Variants in RBPJ observed in about 807,000 individuals in gnomAD.
RBPJ encodes the protein recombination signal binding protein for immunoglobulin kappa J region, also known as recombining binding protein suppressor of hairless.
In RBPJ, 9 loss-of-function variants were observed where a neutral mutation model predicts 67.8. The ratio of observed to expected loss-of-function variants is 0.13; its 90% CI spans 0.08 to 0.23. The LOEUF (loss-of-function observed/expected upper bound fraction) is 0.23, where lower values mean the gene tolerates loss of function less well. Ranked by LOEUF, RBPJ falls within the 10% of genes least tolerant of loss-of-function variation. The pLI is 1.00. For synonymous variants in RBPJ, 198 were observed against 203.3 expected (o/e 0.97, Z 0.22); for missense variants, 305 against 595.6 (o/e 0.51, Z 5.08).
intron 1 of RBPJ, among the ~76,000 whole-genome samples, chr4:26,260,510 T>TA (rs140662552): frequency 0.093 from 14,070 of 151,120 alleles, 2,050 homozygotes; most frequent in African/African-American, 0.31. Flanking sequence ...ACTGAGAATA[T>TA]AAAAAAAAAG....
chr4:26,176,660 C>T (rs1716804161), intron 1 of RBPJ, among the ~76,000 whole-genome samples: 1 of 152,244 alleles, frequency 6.6e-6, no homozygotes, highest in East Asian at 1.9e-4. Flanking sequence ...GCAGGCACTT[C>T]CCCACGTATA....
At chr4:26,262,664 C>T (rs951236354) in intron 1 of RBPJ, among the ~76,000 whole-genome samples, 1 of 152,130 alleles carries the variant, frequency 6.6e-6, no homozygotes, top group East Asian at 1.9e-4. Flanking sequence ...AGTATTTGCT[C>T]TATTTCCCTT....
chr4:26,142,974 G>C, the RBPJ span, among the ~76,000 whole-genome samples: 1 of 152,160 alleles, frequency 6.6e-6, no homozygotes, highest in Non-Finnish European at 1.5e-5. Flanking sequence ...TAGAGATGGG[G>C]TTTCATCATG....
At chr4:26,408,498 C>T (rs1733700959) in intron 3 of RBPJ, among the ~76,000 whole-genome samples, 1 of 150,330 alleles carries the variant, frequency 6.7e-6, no homozygotes, top group Admixed American at 6.6e-5. Context: ...TTAAGCAAAA[C>T]AGAAAAAGTT....
chr4:26,297,338 G>T (rs1340359649), intron 1 of RBPJ, among the ~76,000 whole-genome samples: 1 of 138,610 alleles, frequency 7.2e-6, no homozygotes, highest in Non-Finnish European at 1.6e-5. Context: ...ATCACTTTGT[G>T]TGTGTGTGTG....
chr4:26,343,739 CTTTTTTTTTTTTTTTTTT>C (rs71186404), intron 1 of RBPJ, among the ~76,000 whole-genome samples: 1 of 55,836 alleles, frequency 1.8e-5, no homozygotes, highest in African/African-American at 8.3e-5. Flanking sequence ...TTTCTTTCTT[CTTTTTTTTTTTTTTTTTT>C]TTTTTTTTTT....
chr4:26,347,138 T>G (rs1437242675), intron 1 of RBPJ, among the ~76,000 whole-genome samples: 1 of 152,074 alleles, frequency 6.6e-6, no homozygotes, highest in African/African-American at 2.4e-5. Flanking sequence ...GTTGAGTTAG[T>G]TTGGGGAGAA....
At chr4:26,199,065 A>G (rs1717886844) in intron 1 of RBPJ, among the ~76,000 whole-genome samples, 1 of 152,138 alleles carries the variant, frequency 6.6e-6, no homozygotes, top group Non-Finnish European at 1.5e-5. Flanking sequence ...CTCTGCACCC[A>G]TTAAACTCCT....
intron 1 of RBPJ, among the ~76,000 whole-genome samples, chr4:26,250,533 A>G (rs1720076938): frequency 1.3e-5 from 2 of 151,992 alleles, no homozygotes; most frequent in Non-Finnish European, 2.9e-5. Flanking sequence ...GGGTTTCGCC[A>G]TGTTGGCCAG....
At chr4:26,140,390 A>G in the RBPJ span, among the ~76,000 whole-genome samples, 1 of 152,234 alleles carries the variant, frequency 6.6e-6, no homozygotes, top group Non-Finnish European at 1.5e-5. Context: ...ATGAGCACAC[A>G]TAACTGAAGA....
At chr4:26,263,920 G>T (rs1417209577) in intron 1 of RBPJ, among the ~76,000 whole-genome samples, 2 of 150,400 alleles carry the variant, frequency 1.3e-5, no homozygotes, top group African/African-American at 4.9e-5. Flanking sequence ...TGTCCCCCAG[G>T]TTGGAGTGCA....
At chr4:26,169,677 G>A (rs1421802299) in intron 1 of RBPJ, among the ~76,000 whole-genome samples, 1 of 152,374 alleles carries the variant, frequency 6.6e-6, no homozygotes, top group East Asian at 1.9e-4. Flanking sequence ...GCCCCCAGAG[G>A]TGGAGCCTAC....
intron 2 of RBPJ, among the ~76,000 whole-genome samples, chr4:26,392,541 A>G (rs956676122): frequency 6.6e-6 from 1 of 152,210 alleles, no homozygotes; most frequent in Non-Finnish European, 1.5e-5. Context: ...AATTATATTC[A>G]ATTTTCTAAA....
At chr4:26,241,980 A>C (rs1719652620) in intron 1 of RBPJ, among the ~76,000 whole-genome samples, 1 of 152,240 alleles carries the variant, frequency 6.6e-6, no homozygotes, top group Non-Finnish European at 1.5e-5. Flanking sequence ...CAAAGAGAGC[A>C]CAAAGTTGGA....
At chr4:26,417,680 T>C (rs1734729638) in intron 4 of RBPJ, among the ~76,000 whole-genome samples, 1 of 152,126 alleles carries the variant, frequency 6.6e-6, no homozygotes, top group South Asian at 2.1e-4. Flanking sequence ...TATAAGAACA[T>C]GGTTTTGACC....
chr4:26,160,240 A>G (rs1315097556), upstream of RBPJ, among the ~76,000 whole-genome samples: 1 of 152,160 alleles, frequency 6.6e-6, no homozygotes, highest in African/African-American at 2.4e-5. Flanking sequence ...CTTTAAGGAG[A>G]TAATGTAGAA....
At chr4:26,338,684 T>G (rs188564855) in intron 1 of RBPJ, among the ~76,000 whole-genome samples, 2 of 151,604 alleles carry the variant, frequency 1.3e-5, no homozygotes, top group African/African-American at 2.4e-5. Flanking sequence ...TAAACAGTTC[T>G]CTGCCTCAGC....
At chr4:26,237,718 A>G (rs1021446659) in intron 1 of RBPJ, among the ~76,000 whole-genome samples, 2 of 152,236 alleles carry the variant, frequency 1.3e-5, no homozygotes, top group Admixed American at 6.5e-5. Context: ...TCTCCCTATC[A>G]GTACAATTTG....
At chr4:26,144,867 G>C in the RBPJ span, among the ~76,000 whole-genome samples, 1 of 152,094 alleles carries the variant, frequency 6.6e-6, no homozygotes, top group Non-Finnish European at 1.5e-5. Flanking sequence ...TTCCCTCCCT[G>C]TGATTTCTTC....
Sources: gnomAD v4.1 joint callset for allele counts (sites outside exome capture counted in the v4.1 genomes callset) on GRCh38, gnomAD v4.1.1 for gene constraint, MANE v1.5 for transcripts, NCBI Gene and HGNC (gene_info 2026-07-23, HGNC 2026-07-21) for gene names.